Variants in XKR4 observed in about 807,000 individuals in gnomAD.
XKR4 encodes the protein XK related 4, also known as XK-related protein 4.
In XKR4, 12 loss-of-function variants were observed where a neutral mutation model predicts 53.9. The observed-to-expected ratio is 0.22, with a 90% CI of 0.14 to 0.36. The LOEUF (loss-of-function observed/expected upper bound fraction) is 0.36. Ranked by LOEUF, XKR4 falls within the 10% of genes least tolerant of loss-of-function variation. XKR4 has a pLI of 1.00. For synonymous variants in XKR4, 354 were observed against 362.4 expected (o/e 0.98, Z 0.26); for missense variants, 799 against 859.5 (o/e 0.93, Z 0.88).
At chr8:55,280,785 A>C (rs1398551125) in intron 1 of XKR4, among the ~76,000 whole-genome samples, 1 of 152,196 alleles carries the variant, frequency 6.6e-6, no homozygotes, top group African/African-American at 2.4e-5. Context: ...GCCTTACTGA[A>C]ATCAATAAGA....
intron 1 of XKR4, among the ~76,000 whole-genome samples, chr8:55,319,597 A>G (rs894338603): frequency 1.3e-5 from 2 of 152,200 alleles, no homozygotes; most frequent in African/African-American, 2.4e-5. Flanking sequence ...ATATGTTGCA[A>G]TCTTGTTTCT....
chr8:55,211,695 AT>A lies in XKR4; in HGVS notation c.806+108402del, dbSNP rs148740765. Among the ~76,000 whole-genome samples the A allele has an allele frequency of 4.6e-3, 702 of 152,352 alleles. 6 individuals are homozygous for A. The highest frequency in any genetic ancestry group is 0.016 in the African/African-American group (654 of 41,572). On this transcript the variant is annotated intron_variant, in intron 1 of 2. Transcript: ENST00000327381. ...CCATTTAGAGTTACGTTTAAAGTAT[AT>A]CCTGCCCAAATACTAACCTACTGGT...
chr8:55,359,587 A>G (rs1315565282), intron 2 of XKR4, among the ~76,000 whole-genome samples: 1 of 152,200 alleles, frequency 6.6e-6, no homozygotes, highest in Non-Finnish European at 1.5e-5. Flanking sequence ...AACTCTCTAG[A>G]GGGAGAAAAT....
chr8:55,415,869 C>T (rs745931966), intron 2 of XKR4, among the ~76,000 whole-genome samples: 44 of 152,320 alleles, frequency 2.9e-4, no homozygotes, highest in Non-Finnish European at 6.2e-4. Flanking sequence ...CAGTCTTCTA[C>T]TGCGGTGCCT....
At chr8:55,522,016 G>A (rs1806804671) in intron 2 of XKR4, among the ~76,000 whole-genome samples, 1 of 152,124 alleles carries the variant, frequency 6.6e-6, no homozygotes, top group Non-Finnish European at 1.5e-5. Flanking sequence ...GGTGAGTCTT[G>A]GTTCAGCTCA....
Position 55,524,641 on chromosome 8 carries a change from CCT to C in XKR4, c.*417_*418del. 6.3e-6 allele frequency: 1 copy of C among 159,370 alleles called. No individual in the cohort carries two copies. The highest frequency in any genetic ancestry group is 3.1e-3 in the Middle Eastern group (1 of 322). 9.9% of individuals were successfully genotyped at this position (159,370 alleles called of 1,614,324 possible). ...ACTAACACACATAAGTTACACCAGTCCTCTGTCAAAAAAGCTTAGGTGACTTT... is the reference window on the plus strand; with the variant it reads ...ACTAACACACATAAGTTACACCAGTCCTGTCAAAAAAGCTTAGGTGACTTT... On this transcript the variant is annotated 3_prime_UTR_variant, in exon 3 of 3. Transcript: ENST00000327381.
intron 2 of XKR4, among the ~76,000 whole-genome samples, chr8:55,478,246 C>T (rs1048536417): frequency 5.3e-5 from 8 of 152,074 alleles, no homozygotes. Flanking sequence ...GGCCAATATT[C>T]AACATTCTTA....
At chr8:55,114,683 A>G (rs183580211) in intron 1 of XKR4, among the ~76,000 whole-genome samples, 5 of 152,270 alleles carry the variant, frequency 3.3e-5, no homozygotes, top group East Asian at 1.9e-4. Context: ...CAATAGATCT[A>G]CTTCTGTTCC....
intron 1 of XKR4, among the ~76,000 whole-genome samples, chr8:55,176,782 T>G (rs1425862150): frequency 6.6e-6 from 1 of 152,116 alleles, no homozygotes; most frequent in African/African-American, 2.4e-5. Flanking sequence ...ACATAAATAA[T>G]GAACTAATGA....
chr8:55,193,166 G>T (rs1251727770), intron 1 of XKR4, among the ~76,000 whole-genome samples: 1 of 152,016 alleles, frequency 6.6e-6, no homozygotes, highest in Non-Finnish European at 1.5e-5. Flanking sequence ...ATTACCCGTC[G>T]AACTGTGTGT....
At chr8:55,508,177 A>T (rs1006156313) in intron 2 of XKR4, among the ~76,000 whole-genome samples, 25 of 152,002 alleles carry the variant, frequency 1.6e-4, no homozygotes, top group African/African-American at 6.0e-4. Context: ...CCTATTAGGG[A>T]CATGTCTTGG....
chr8:55,478,159 G>T (rs2129400861), intron 2 of XKR4, among the ~76,000 whole-genome samples: 1 of 152,164 alleles, frequency 6.6e-6, no homozygotes, highest in East Asian at 1.9e-4. Flanking sequence ...AGAAAGGCCG[G>T]GTTACCCAAA....
chr8:55,454,729 C>G (rs1227757283), intron 2 of XKR4: 5 of 810,658 alleles, frequency 6.2e-6, no homozygotes, highest in Non-Finnish European at 8.8e-6. Flanking sequence ...GAGGCTGTTC[C>G]TGAACACCTC....
At chr8:55,185,934 T>G (rs529561790) in intron 1 of XKR4, among the ~76,000 whole-genome samples, 59 of 152,334 alleles carry the variant, frequency 3.9e-4, no homozygotes, top group African/African-American at 1.3e-3. Context: ...GCCAGTGGTG[T>G]TGTTGATATA....
chr8:55,180,680 C>T (rs967606863), intron 1 of XKR4, among the ~76,000 whole-genome samples: 6 of 152,130 alleles, frequency 3.9e-5, no homozygotes, highest in African/African-American at 9.6e-5. Flanking sequence ...TACAGGCACC[C>T]GCCACCACAC....
At chr8:55,371,143 C>T (rs1264381171) in intron 2 of XKR4, among the ~76,000 whole-genome samples, 1 of 150,922 alleles carries the variant, frequency 6.6e-6, no homozygotes, top group Non-Finnish European at 1.5e-5. Context: ...AGGAGGACAT[C>T]AGGGAGTGTA....
At chr8:55,288,044 TTTTTTG>T (rs1274209652) in intron 1 of XKR4, among the ~76,000 whole-genome samples, 2 of 152,194 alleles carry the variant, frequency 1.3e-5, no homozygotes, top group Non-Finnish European at 2.9e-5. Context: ...TTTGTGTGAT[TTTTTTG>T]TTTTTGTTAG....
intron 1 of XKR4, among the ~76,000 whole-genome samples, chr8:55,259,116 G>A (rs367783374): frequency 1.3e-5 from 2 of 152,184 alleles, no homozygotes; most frequent in East Asian, 3.9e-4. Flanking sequence ...GGTAAGAGAA[G>A]GTGAACTTCA....
At chr8:55,373,366 C>G (rs1489429838) in intron 2 of XKR4, among the ~76,000 whole-genome samples, 1 of 152,132 alleles carries the variant, frequency 6.6e-6, no homozygotes, top group Non-Finnish European at 1.5e-5. Context: ...GGGGTTTCAC[C>G]ATGTTGGCCA....
Sources: allele counts gnomAD v4.1 joint callset (sites outside exome capture counted in the v4.1 genomes callset), GRCh38; gene constraint gnomAD v4.1.1; transcripts MANE v1.5; gene names NCBI Gene and HGNC (gene_info 2026-07-23, HGNC 2026-07-21).